Variants in CLEC16A observed in about 807,000 individuals in gnomAD.
The protein encoded by CLEC16A is protein CLEC16A.
A neutral mutation model predicts 109.5 loss-of-function variants in CLEC16A; 51 were observed. The ratio of observed to expected loss-of-function variants is 0.47; its 90% confidence interval spans 0.37 to 0.59. The LOEUF is 0.59. Ranked by LOEUF, CLEC16A falls within the 20% of genes least tolerant of loss-of-function variation. CLEC16A has a pLI of 0.00. For synonymous variants in CLEC16A, 673 were observed against 564.2 expected, an observed-to-expected ratio of 1.19 and a Z score of -2.73; for missense variants, 1,339 against 1,394.0, an observed-to-expected ratio of 0.96 and a Z score of 0.63.
At chr16:11,074,583 T>C (rs2049247269) in intron 19 of CLEC16A, among the ~76,000 whole-genome samples, 1 of 152,182 alleles carries the variant, frequency 6.6e-6, no homozygotes, top group Non-Finnish European at 1.5e-5. Flanking sequence ...GTGGCATTCA[T>C]TGATGTGGTT....
chr16:10,970,937 C>T lies in CLEC16A; in HGVS notation c.493-188C>T, dbSNP rs111863945. On this transcript the variant is annotated intron_variant, in intron 4 of 23. Coordinates refer to ENST00000409790, the MANE Select transcript of CLEC16A (RefSeq NM_015226.3). ...TTGGACTCTTCTGTTTCTTCCATGG[C>T]TTTGCCTTCCTGTCCCTTTCTACAT... 1.7e-3 allele frequency among the ~76,000 whole-genome samples: 244 copies of T among 145,428 alleles called. 3 individuals carry two copies. The highest frequency in any genetic ancestry group is 6.0e-3 in the African/African-American group (231 of 38,458).
intron 23 of CLEC16A, among the ~76,000 whole-genome samples, chr16:11,171,389 C>G (rs1383568583): frequency 1.3e-5 from 2 of 152,212 alleles, no homozygotes; most frequent in Non-Finnish European, 2.9e-5. Flanking sequence ...CAACACCGAA[C>G]TCCCTGATGA....
chr16:11,175,972 A>G (rs940013305), intron 23 of CLEC16A, among the ~76,000 whole-genome samples: 1 of 152,256 alleles, frequency 6.6e-6, no homozygotes, highest in Non-Finnish European at 1.5e-5. Context: ...TTGTCTCCAG[A>G]TGGTAGGACA....
intron 13 of CLEC16A, chr16:11,027,004 G>T: frequency 6.4e-7 from 1 of 1,563,498 alleles, no homozygotes; most frequent in Middle Eastern, 2.3e-4. Context: ...CGCATGATCA[G>T]TAGCTGCACC....
chr16:11,024,657 T>A, intron 12 of CLEC16A, 164 bp from the exon 13 acceptor site: 1 of 565,908 alleles, frequency 1.8e-6, no homozygotes, highest in East Asian at 3.0e-5. Flanking sequence ...GCAGAGCCTG[T>A]CTCTCATTTG....
chr16:11,140,893 C>T (rs1290244941), intron 22 of CLEC16A, among the ~76,000 whole-genome samples: 4 of 152,216 alleles, frequency 2.6e-5, no homozygotes, highest in African/African-American at 9.7e-5. Context: ...GCTCCTGAGC[C>T]TCTGTGTCCC....
intron 19 of CLEC16A, among the ~76,000 whole-genome samples, chr16:11,106,218 C>G (rs1460745120): frequency 6.6e-6 from 1 of 152,172 alleles, no homozygotes; most frequent in African/African-American, 2.4e-5. Context: ...AAGCATACAA[C>G]CAAGTTGAAA....
intron 14 of CLEC16A, 132 bp downstream of exon 14, chr16:11,040,008 C>T: frequency 9.0e-7 from 1 of 1,106,432 alleles, no homozygotes; most frequent in East Asian, 2.7e-5. Flanking sequence ...TCTCCCTCTG[C>T]CTCTCAACCC....
chr16:11,095,929 G>T (rs1275966115), intron 19 of CLEC16A, among the ~76,000 whole-genome samples: 1 of 152,006 alleles, frequency 6.6e-6, no homozygotes, highest in African/African-American at 2.4e-5. Flanking sequence ...GGTTCAAGCA[G>T]TCTTCCCACT....
chr16:10,968,627 T>A (rs2042628878), intron 3 of CLEC16A, among the ~76,000 whole-genome samples: 1 of 152,174 alleles, frequency 6.6e-6, no homozygotes, highest in Non-Finnish European at 1.5e-5. Flanking sequence ...ATGAGCAGGA[T>A]CATGTGATGG....
In CLEC16A at chr16:11,121,868, A is replaced by G. The variant is rs1297500553; in HGVS notation, c.2268+1102A>G. Reference sequence around the variant, plus strand: ...GCACTCCAGCCTGGGCGGCAGAGTGAGACCCTGTCTCAAAAAAAAAAAAAA... The same window carrying G: ...GCACTCCAGCCTGGGCGGCAGAGTGGGACCCTGTCTCAAAAAAAAAAAAAA... On this transcript the variant is annotated intron_variant, in intron 20 of 23. Transcript: ENST00000409790. 3.1e-5 allele frequency among the ~76,000 whole-genome samples: 4 copies of G among 128,742 alleles called. No homozygotes were observed. In the East Asian group the frequency reaches 9.8e-4, roughly 32 times the overall value. The allele number at this position is 128,742 out of a possible 152,430, so 84.5% of individuals were successfully genotyped here.
chr16:11,013,934 G>A (rs931571779), intron 11 of CLEC16A, among the ~76,000 whole-genome samples: 19 of 151,854 alleles, frequency 1.3e-4, no homozygotes, highest in African/African-American at 4.4e-4. Flanking sequence ...GTGAGACTCT[G>A]TCTCAAAAAA....
chr16:10,977,504 G>C lies in CLEC16A; in HGVS notation c.903+105G>C, dbSNP rs147822158. On this transcript the variant is annotated intron_variant, in intron 8 of 23. Transcript: ENST00000409790. ...GCTGAGCATTGCAAATCAGGACTGAGGTTTTTTTTTTGTTTGTTTGTTTTT... is the reference window on the plus strand; with the variant it reads ...GCTGAGCATTGCAAATCAGGACTGACGTTTTTTTTTTGTTTGTTTGTTTTT... The C allele has an allele frequency of 8.7e-5, 93 of 1,067,462 alleles. No homozygotes were observed. In the East Asian group the frequency reaches 1.9e-3, roughly 21 times the overall value. 66.1% of individuals were successfully genotyped at this position (1,067,462 alleles called of 1,614,324 possible). A position where few individuals can be genotyped will look rare whatever the true frequency, so the allele number is the denominator to read the frequency against.
At chr16:10,958,492 C>T (rs946938720) in intron 2 of CLEC16A, among the ~76,000 whole-genome samples, 3 of 152,194 alleles carry the variant, frequency 2.0e-5, no homozygotes, top group African/African-American at 7.2e-5. Context: ...TCTTCATCTC[C>T]CTAAGCCTCA....
chr16:11,015,281 G>A (rs2045676077), intron 11 of CLEC16A, among the ~76,000 whole-genome samples: 1 of 152,056 alleles, frequency 6.6e-6, no homozygotes, highest in Admixed American at 6.5e-5. Context: ...CCCATTTTGT[G>A]TGGAGAGGCC....
At chr16:11,134,715 A>G (rs2053457003) in intron 22 of CLEC16A, among the ~76,000 whole-genome samples, 1 of 152,220 alleles carries the variant, frequency 6.6e-6, no homozygotes. Flanking sequence ...TCGACACTCA[A>G]AAAGTTTTGG....
chr16:11,043,925 C>T lies in CLEC16A; in HGVS notation c.1771-103C>T, dbSNP rs79881991. The T allele has an allele frequency of 2.4e-3, 1,869 of 775,404 alleles. 29 individuals are homozygous for T. In the African/African-American group the frequency reaches 0.029, roughly 12 times the overall value. The allele number at this position is 775,404 out of a possible 1,614,324, so 48.0% of individuals were successfully genotyped here. On this transcript the variant is annotated intron_variant, in intron 15 of 23. Transcript: ENST00000409790. Reference sequence around the variant, plus strand: ...ATTTTATACATTAAGGATATTAGTCCAGATCTGTTTTATACACACTCATGT... The same window carrying T: ...ATTTTATACATTAAGGATATTAGTCTAGATCTGTTTTATACACACTCATGT...
At chr16:11,099,280 C>T (rs2050774393) in intron 19 of CLEC16A, among the ~76,000 whole-genome samples, 1 of 152,218 alleles carries the variant, frequency 6.6e-6, no homozygotes, top group African/African-American at 2.4e-5. Context: ...TGGACAGGGT[C>T]TCGTTTTCTT....
At chr16:11,135,418 A>C (rs2053500095) in intron 22 of CLEC16A, among the ~76,000 whole-genome samples, 1 of 152,206 alleles carries the variant, frequency 6.6e-6, no homozygotes, top group African/African-American at 2.4e-5. Flanking sequence ...CAATAGACAC[A>C]GTAGCACTTG....
Sources: gnomAD v4.1 joint callset for allele counts (sites outside exome capture counted in the v4.1 genomes callset) on GRCh38, gnomAD v4.1.1 for gene constraint, MANE v1.5 for transcripts, NCBI Gene and HGNC (gene_info 2026-07-23, HGNC 2026-07-21) for gene names.